CTNND2: variants seen among roughly 807,000 people sequenced by gnomAD.
CTNND2 encodes the protein catenin delta 2, also known as catenin delta-2.
CTNND2 carries 22 observed loss-of-function variants against 144.4 expected under a neutral mutation model. The ratio of observed to expected loss-of-function variants is 0.15; its 90% CI spans 0.11 to 0.22. The LOEUF (loss-of-function observed/expected upper bound fraction) is 0.22, where lower values mean the gene tolerates loss of function less well. Ranked by LOEUF, CTNND2 falls within the 10% of genes least tolerant of loss-of-function variation. The pLI is 1.00. For synonymous variants in CTNND2, 751 were observed against 695.6 expected (o/e 1.08, Z -1.25); for missense variants, 1,353 against 1,618.8 (o/e 0.84, Z 2.82).
intron 1 of CTNND2, among the ~76,000 whole-genome samples, chr5:11,815,833 C>A (rs930524971): frequency 1.3e-5 from 2 of 152,114 alleles, no homozygotes; most frequent in Admixed American, 6.5e-5. Flanking sequence ...GATTCAGACA[C>A]CCCCAAGACT....
At chr5:11,281,218 CAG>C (rs1747076719) in intron 9 of CTNND2, among the ~76,000 whole-genome samples, 1 of 152,130 alleles carries the variant, frequency 6.6e-6, no homozygotes, top group African/African-American at 2.4e-5. Context: ...CAGTAAATCC[CAG>C]AGAGGATAAG....
chr5:11,051,991 C>G (rs13177696), intron 16 of CTNND2, among the ~76,000 whole-genome samples: 1 of 152,120 alleles, frequency 6.6e-6, no homozygotes. Context: ...AAAGCATGCA[C>G]GGTAATCCCA....
At chr5:11,633,627 T>C (rs1781523661) in intron 2 of CTNND2, among the ~76,000 whole-genome samples, 1 of 151,954 alleles carries the variant, frequency 6.6e-6, no homozygotes. Context: ...AATACAAAAA[T>C]TAGCCAGGCA....
intron 3 of CTNND2, among the ~76,000 whole-genome samples, chr5:11,534,418 C>T (rs565979312): frequency 1.3e-5 from 2 of 152,046 alleles, no homozygotes; most frequent in Admixed American, 6.6e-5. Flanking sequence ...GAGTTCGAGA[C>T]CAGCCTGGCT....
intron 2 of CTNND2, among the ~76,000 whole-genome samples, chr5:11,587,877 C>CA (rs1312565992): frequency 6.6e-6 from 1 of 151,726 alleles, no homozygotes; most frequent in East Asian, 1.9e-4. Context: ...TCACTGGTTT[C>CA]AAAAAATCAA....
chr5:11,065,991 A>C (rs528873258), intron 16 of CTNND2, among the ~76,000 whole-genome samples: 4 of 152,052 alleles, frequency 2.6e-5, no homozygotes, highest in Non-Finnish European at 5.9e-5. Flanking sequence ...ATTGTCTCTA[A>C]GGGCAGCCAT....
At chr5:11,574,033 A>C (rs918330007) in intron 2 of CTNND2, among the ~76,000 whole-genome samples, 3 of 152,028 alleles carry the variant, frequency 2.0e-5, no homozygotes, top group African/African-American at 7.2e-5. Flanking sequence ...TATATGGGTG[A>C]CTCTAAACTC....
rs1034972133 is a variant in CTNND2 at position 11,521,765 on chromosome 5, G to A, written c.287+43179C>T. Among the ~76,000 whole-genome samples the A allele has an allele frequency of 5.9e-5, 9 of 152,178 alleles. No individual in the cohort carries two copies. The South Asian group carries it at 1.7e-3, about 28-fold the overall frequency. ...TCTGAGGCTAGATGAAGTATCAGGA[G>A]CAGCAAAGACAATCGATGCTCGTTG... On this transcript the variant is annotated intron_variant, in intron 3 of 21. Transcript: ENST00000304623.
chr5:11,459,506 C>G (rs1766017070), intron 3 of CTNND2, among the ~76,000 whole-genome samples: 1 of 152,118 alleles, frequency 6.6e-6, no homozygotes, highest in South Asian at 2.1e-4. Context: ...CTTTTTAAAG[C>G]CAAGAACAAA....
intron 2 of CTNND2, among the ~76,000 whole-genome samples, chr5:11,726,276 A>G (rs1787012946): frequency 1.3e-5 from 2 of 152,172 alleles, no homozygotes; most frequent in African/African-American, 4.8e-5. Flanking sequence ...TATATCACAT[A>G]CTCATTAGAA....
At chr5:11,420,812 C>T (rs1373386463) in intron 3 of CTNND2, among the ~76,000 whole-genome samples, 1 of 152,106 alleles carries the variant, frequency 6.6e-6, no homozygotes, top group South Asian at 2.1e-4. Flanking sequence ...TTTGCTTTAA[C>T]TATTGCCATC....
intron 2 of CTNND2, among the ~76,000 whole-genome samples, chr5:11,653,134 C>T (rs1782733519): frequency 2.1e-5 from 3 of 146,318 alleles, no homozygotes; most frequent in Admixed American, 2.0e-4. Flanking sequence ...TTTCTTTATC[C>T]ATTCATCCAC....
At chr5:11,637,193 A>G (rs1051795588) in intron 2 of CTNND2, among the ~76,000 whole-genome samples, 2 of 152,212 alleles carry the variant, frequency 1.3e-5, no homozygotes, top group African/African-American at 4.8e-5. Flanking sequence ...GTCTATTTCT[A>G]AACGCCCACT....
At chr5:11,419,925 T>C (rs1762233283) in intron 3 of CTNND2, among the ~76,000 whole-genome samples, 1 of 152,136 alleles carries the variant, frequency 6.6e-6, no homozygotes, top group Non-Finnish European at 1.5e-5. Flanking sequence ...TCTTTCAAAA[T>C]GAAATAAAGG....
intron 12 of CTNND2, among the ~76,000 whole-genome samples, chr5:11,138,650 C>T (rs143224593): frequency 2.3e-4 from 35 of 152,306 alleles, no homozygotes; most frequent in African/African-American, 8.4e-4. Context: ...TATTCTAAAC[C>T]TTGTTACATC....
At chr5:11,007,205 TTGACAGGAC>T (rs1230902267) in intron 18 of CTNND2, among the ~76,000 whole-genome samples, 1 of 152,174 alleles carries the variant, frequency 6.6e-6, no homozygotes, top group East Asian at 1.9e-4. Context: ...GCTAGTAGGA[TTGACAGGAC>T]TGCTCTAAGA....
chr5:10,981,933 A>G lies in CTNND2; in HGVS notation c.3344-87T>C. On this transcript the variant is annotated intron_variant, in intron 20 of 21. Coordinates refer to ENST00000304623, the MANE Select transcript of CTNND2 (RefSeq NM_001332.4). Reference sequence around the variant, plus strand: ...TGTTATTGAAGCAAGTTCTTGCCCTAACAAAGCTTGTTTTCTTGGGGACCA... The same window carrying G: ...TGTTATTGAAGCAAGTTCTTGCCCTGACAAAGCTTGTTTTCTTGGGGACCA... 4.3e-6 allele frequency: 5 copies of G among 1,167,338 alleles called. No homozygotes were observed. The South Asian group carries it at 6.5e-5, about 15-fold the overall frequency. 72.3% of individuals were successfully genotyped at this position (1,167,338 alleles called of 1,614,324 possible). A position where few individuals can be genotyped will look rare whatever the true frequency, so the allele number is the denominator to read the frequency against.
intron 12 of CTNND2, among the ~76,000 whole-genome samples, chr5:11,131,098 T>A (rs1249740979): frequency 6.6e-6 from 1 of 152,178 alleles, no homozygotes; most frequent in Admixed American, 6.5e-5. Flanking sequence ...AAAAAATGAA[T>A]ACTAGCTAGT....
chr5:11,116,707 T>C (rs1017403553), intron 13 of CTNND2, among the ~76,000 whole-genome samples: 1 of 152,196 alleles, frequency 6.6e-6, no homozygotes, highest in Non-Finnish European at 1.5e-5. Flanking sequence ...CCTTTTAAAA[T>C]GGCACTTAGT....
Sources: allele counts gnomAD v4.1 joint callset (sites outside exome capture counted in the v4.1 genomes callset), GRCh38; gene constraint gnomAD v4.1.1; transcripts MANE v1.5; gene names NCBI Gene and HGNC (gene_info 2026-07-23, HGNC 2026-07-21).